BTBD8: variants seen among roughly 807,000 people sequenced by gnomAD.
BTBD8 encodes the protein BTB domain containing 8.
Under a neutral mutation model 162.9 loss-of-function variants are expected in BTBD8, and 110 were observed. The ratio of observed to expected loss-of-function variants is 0.68; its 90% CI spans 0.58 to 0.79. BTBD8 has a LOEUF of 0.79. Among genes scored for constraint, BTBD8 ranks in the 30% least tolerant of loss-of-function variants. The pLI, the probability that BTBD8 is intolerant of heterozygous loss-of-function variation, is 0.00. For missense variants in BTBD8, 1,905 were observed against 2,085.4 expected, an observed-to-expected ratio of 0.91 and a Z score of 1.68; for synonymous variants, 667 against 716.1, an observed-to-expected ratio of 0.93 and a Z score of 1.10.
chr1:92,115,378 G>A (rs575115416), intron 4 of BTBD8: 1 of 470,606 alleles, frequency 2.1e-6, no homozygotes, highest in South Asian at 1.7e-5. Flanking sequence ...ATGATCTTGA[G>A]GTTTTTATAC....
chr1:92,094,263 A>G, intron 2 of BTBD8, among the ~76,000 whole-genome samples: 2 of 152,228 alleles, frequency 1.3e-5, no homozygotes, highest in East Asian at 3.8e-4. Flanking sequence ...ACTGATGTGC[A>G]CATCTCCATT....
rs768903070 is a variant in BTBD8, at chr1:92,102,554, A to T, written c.429A>T (p.Ser143=). 1 of 1,597,196 alleles carries T rather than the reference A, an allele frequency of 6.3e-7. No individual in the cohort carries two copies. Among genetic ancestry groups the T allele is most frequent in the Non-Finnish European group, 8.5e-7 (1 of 1,171,742 alleles). ...LRKKIMEIGI[S]QKQLDISFPK... ...AAAAGATAATGGAGATTGGGATATCACAAAAGCAACTTGACATCAGTTTTC... is the reference window on the plus strand; with the variant it reads ...AAAAGATAATGGAGATTGGGATATCTCAAAAGCAACTTGACATCAGTTTTC... The change falls in exon 3 of 18, where the codon TCA becomes TCT. Residue 143 remains serine (S), a synonymous_variant. Coordinates refer to ENST00000636805, the MANE Select transcript of BTBD8 (RefSeq NM_001376131.1).
chr1:92,128,305 G>A (rs919078780), intron 4 of BTBD8, among the ~76,000 whole-genome samples: 9 of 144,216 alleles, frequency 6.2e-5, no homozygotes, highest in African/African-American at 2.1e-4. Flanking sequence ...TTGAGACACA[G>A]TCTTGCTCTG....
chr1:92,177,462 C>A lies in BTBD8; in HGVS notation c.2269C>A (p.Pro757Thr). ...AAATGGATCAACAGAAGAAGAAAAG[C>A]CTTCTGGACATAAACTATCCTTTTG... Reference protein sequence around the residue: ...KENGSTEEEKPSGHKLSFCDS... With the variant: ...KENGSTEEEKTSGHKLSFCDS... The change falls in exon 14 of 18, where the codon CCT becomes ACT. Residue 757 changes from proline (P) to threonine (T), a missense_variant. Pro to Thr is a conservative substitution (Grantham distance 38, BLOSUM62 -1). Coordinates refer to ENST00000636805, the MANE Select transcript of BTBD8 (RefSeq NM_001376131.1). The A allele has an allele frequency of 6.4e-7, 1 of 1,551,454 alleles. No homozygotes were observed. Among genetic ancestry groups the A allele is most frequent in the Non-Finnish European group, 8.7e-7 (1 of 1,146,902 alleles).
intron 4 of BTBD8, among the ~76,000 whole-genome samples, chr1:92,120,156 T>G (rs1412273346): frequency 6.6e-6 from 1 of 152,112 alleles, no homozygotes; most frequent in Admixed American, 6.6e-5. Context: ...CCTTCAAAAG[T>G]GCTAGGATTA....
intron 2 of BTBD8, among the ~76,000 whole-genome samples, chr1:92,093,563 T>C (rs1228130660): frequency 6.6e-6 from 1 of 152,192 alleles, no homozygotes. Context: ...GAACAAGCTT[T>C]GTGATGAAGC....
intron 2 of BTBD8, among the ~76,000 whole-genome samples, chr1:92,102,216 G>A (rs746894689): frequency 5.3e-5 from 8 of 151,856 alleles, no homozygotes; most frequent in Admixed American, 2.6e-4. Context: ...ACAGGGTTTC[G>A]CCATGTTGGC....
Position 92,180,260 on chromosome 1 carries a change from C to A in BTBD8, c.2582-5C>A, listed in dbSNP as rs1212127757. ...TTACTGAATATACCCTCTTACTTTT[C>A]TTAGGATCCCAAGGAGAGTCACCAA... On this transcript the variant is annotated splice_polypyrimidine_tract_variant and splice_region_variant and intron_variant, in intron 16 of 17. Transcript: ENST00000636805. The A allele has an allele frequency of 3.5e-5, 53 of 1,521,952 alleles. No individual in the cohort carries two copies. In the East Asian group the frequency reaches 1.3e-3, roughly 37 times the overall value. 94.3% of individuals were successfully genotyped at this position (1,521,952 alleles called of 1,614,324 possible).
intron 9 of BTBD8, chr1:92,150,910 A>G (rs1650028810): frequency 6.6e-6 from 1 of 152,204 alleles, no homozygotes; most frequent in Non-Finnish European, 1.5e-5. Context: ...AAATGACATT[A>G]TTCACGAACC....
chr1:92,098,086 C>G (rs1648499993), intron 2 of BTBD8, among the ~76,000 whole-genome samples: 1 of 152,070 alleles, frequency 6.6e-6, no homozygotes, highest in Non-Finnish European at 1.5e-5. Flanking sequence ...ACTCGAATTC[C>G]AGACTCCCAG....
intron 3 of BTBD8, among the ~76,000 whole-genome samples, chr1:92,103,955 A>G (rs1273642923): frequency 6.6e-6 from 1 of 152,214 alleles, no homozygotes; most frequent in African/African-American, 2.4e-5. Context: ...TTATAAAACC[A>G]GATATAGATG....
intron 4 of BTBD8, chr1:92,126,009 G>C (rs1172821585): frequency 6.4e-6 from 3 of 466,100 alleles, no homozygotes; most frequent in African/African-American, 6.0e-5. Flanking sequence ...TATCAACCGA[G>C]GCAGCTGTAG....
chr1:92,114,326 T>C (rs931535921), intron 4 of BTBD8, among the ~76,000 whole-genome samples: 8 of 152,086 alleles, frequency 5.3e-5, no homozygotes, highest in Admixed American at 2.6e-4. Context: ...TTCTAGGTCA[T>C]GGAATTGAAG....
At chr1:92,171,093 C>G (rs1650528664) in intron 12 of BTBD8, among the ~76,000 whole-genome samples, 1 of 151,820 alleles carries the variant, frequency 6.6e-6, no homozygotes, top group Middle Eastern at 3.2e-3. Flanking sequence ...TCTAAAATGT[C>G]ACAGTTTGAG....
intron 13 of BTBD8, among the ~76,000 whole-genome samples, chr1:92,174,152 A>T (rs557249851): frequency 1.3e-4 from 20 of 152,276 alleles, no homozygotes; most frequent in African/African-American, 4.8e-4. Flanking sequence ...TAGGTACGTG[A>T]GGATTCATTA....
chr1:92,138,415 C>T (rs1011599767), intron 5 of BTBD8, among the ~76,000 whole-genome samples: 3 of 152,124 alleles, frequency 2.0e-5, no homozygotes, highest in Non-Finnish European at 2.9e-5. Context: ...TTTAGATTTC[C>T]GATTTTCAGA....
intron 9 of BTBD8, 40 bp from the exon 10 acceptor site, chr1:92,166,918 G>A: frequency 1.3e-6 from 2 of 1,507,342 alleles, no homozygotes; most frequent in Non-Finnish European, 1.8e-6. Flanking sequence ...TTTATTAGCA[G>A]TAATAGCATC....
chr1:92,130,064 C>G (rs1038831280), intron 5 of BTBD8, among the ~76,000 whole-genome samples: 1 of 152,182 alleles, frequency 6.6e-6, no homozygotes, highest in Non-Finnish European at 1.5e-5. Context: ...GATAAACATG[C>G]CAGCAGTTTT....
Position 92,171,461 on chromosome 1 carries a change from G to A in BTBD8, c.1635+1G>A. 1.3e-6 allele frequency: 2 copies of A among 1,501,736 alleles called. No homozygotes were observed. The highest frequency in any genetic ancestry group is 1.8e-6 in the Non-Finnish European group (2 of 1,118,388). 93.0% of individuals were successfully genotyped at this position (1,501,736 alleles called of 1,614,324 possible). On this transcript the variant is annotated splice_donor_variant, in intron 13 of 17. Coordinates refer to ENST00000636805, the MANE Select transcript of BTBD8 (RefSeq NM_001376131.1). LOFTEE classifies it high-confidence loss of function. ...AAAGCCTATATTCAGTAGCTCGCAGGTAAACTTTCTAAATTTTATAGGTAC... is the reference window on the plus strand; with the variant it reads ...AAAGCCTATATTCAGTAGCTCGCAGATAAACTTTCTAAATTTTATAGGTAC...
Sources: allele counts gnomAD v4.1 joint callset (sites outside exome capture counted in the v4.1 genomes callset), GRCh38; gene constraint gnomAD v4.1.1; transcripts MANE v1.5; gene names NCBI Gene and HGNC (gene_info 2026-07-23, HGNC 2026-07-21).